AKAP19: variants seen among roughly 807,000 people sequenced by gnomAD.
AKAP19 encodes A-kinase anchoring protein 19, also known as small A-kinase anchoring protein.
At chr2:189,924,951 A>G in the AKAP19 span, among the ~76,000 whole-genome samples, 1 of 152,172 alleles carries the variant, frequency 6.6e-6, no homozygotes, top group Non-Finnish European at 1.5e-5. Flanking sequence ...GCTGTTAACC[A>G]TGAGCTCAAT....
chr2:189,931,917 C>T, the AKAP19 span, among the ~76,000 whole-genome samples: 10 of 151,994 alleles, frequency 6.6e-5, no homozygotes, highest in African/African-American at 9.7e-5. Context: ...AGCCCCAGCC[C>T]GATACAATAT....
chr2:189,981,007 A>G, the AKAP19 span, among the ~76,000 whole-genome samples: 1 of 152,180 alleles, frequency 6.6e-6, no homozygotes, highest in African/African-American at 2.4e-5. Flanking sequence ...TGGTTTTGGA[A>G]TAGAGTATTC....
chr2:189,937,929 A>G, the AKAP19 span, among the ~76,000 whole-genome samples: 1 of 152,314 alleles, frequency 6.6e-6, no homozygotes, highest in African/African-American at 2.4e-5. Flanking sequence ...AAAGAAAGGA[A>G]ATTGGCATAC....
the AKAP19 span, among the ~76,000 whole-genome samples, chr2:190,124,303 A>G: frequency 6.6e-6 from 1 of 152,220 alleles, no homozygotes; most frequent in East Asian, 1.9e-4. Flanking sequence ...GAGAGATTAT[A>G]CTTACACAAA....
the AKAP19 span, among the ~76,000 whole-genome samples, chr2:190,170,009 C>T: frequency 3.9e-5 from 6 of 152,294 alleles, no homozygotes; most frequent in Non-Finnish European, 5.9e-5. Context: ...TACTTCTGCA[C>T]GAACCTAATG....
At chr2:190,159,191 C>A in the AKAP19 span, among the ~76,000 whole-genome samples, 2 of 152,070 alleles carry the variant, frequency 1.3e-5, no homozygotes. Context: ...CAACTAGGTA[C>A]AAATTATATT....
At chr2:189,908,729 A>G in the AKAP19 span, among the ~76,000 whole-genome samples, 1 of 152,076 alleles carries the variant, frequency 6.6e-6, no homozygotes, top group Non-Finnish European at 1.5e-5. Context: ...ATTTGATATG[A>G]TTTTCAATTT....
chr2:190,076,066 A>G, the AKAP19 span, among the ~76,000 whole-genome samples: 2 of 152,048 alleles, frequency 1.3e-5, no homozygotes, highest in African/African-American at 2.4e-5. Flanking sequence ...ACCTTTACCT[A>G]TGTTATAAAT....
chr2:190,053,690 A>T, the AKAP19 span, among the ~76,000 whole-genome samples: 123 of 152,264 alleles, frequency 8.1e-4, no homozygotes, highest in Non-Finnish European at 1.4e-3. Flanking sequence ...TAGTTATATT[A>T]TTGGTAGTAC....
chr2:190,047,162 C>T, the AKAP19 span, among the ~76,000 whole-genome samples: 1 of 152,160 alleles, frequency 6.6e-6, no homozygotes, highest in Admixed American at 6.5e-5. Context: ...CATTCCTTCT[C>T]ACTCACTGCC....
the AKAP19 span, among the ~76,000 whole-genome samples, chr2:189,995,493 G>A: frequency 1.3e-5 from 2 of 152,132 alleles, no homozygotes; most frequent in East Asian, 1.9e-4. Context: ...TTTACCTTAA[G>A]TTTACATGAG....
At chr2:189,992,532 A>G in the AKAP19 span, among the ~76,000 whole-genome samples, 2 of 20,784 alleles carry the variant, frequency 9.6e-5, no homozygotes, top group Admixed American at 1.7e-3. Context: ...TATAAATTTT[A>G]GGATTTTTTT....
chr2:190,181,170 T>C, the AKAP19 span: 1 of 984,792 alleles, frequency 1.0e-6, no homozygotes, highest in Non-Finnish European at 1.2e-6. Context: ...GGTCTTTGCT[T>C]GTCAGCTGTG....
the AKAP19 span, among the ~76,000 whole-genome samples, chr2:189,919,075 C>G: frequency 6.6e-6 from 1 of 152,162 alleles, no homozygotes; most frequent in African/African-American, 2.4e-5. Flanking sequence ...GTGATAAAAT[C>G]TCGAAAGACT....
chr2:189,910,758 G>A, the AKAP19 span, among the ~76,000 whole-genome samples: 139,217 of 151,956 alleles, frequency 0.92, 64,169 homozygotes, highest in East Asian at 0.98. Flanking sequence ...CAACGACACA[G>A]CTCTTAGGAT....
At chr2:190,104,137 C>T in the AKAP19 span, among the ~76,000 whole-genome samples, 59,168 of 152,040 alleles carry the variant, frequency 0.39, 13,539 homozygotes, top group South Asian at 0.67. Flanking sequence ...TAGCCATATG[C>T]GGAGGAATGA....
chr2:189,951,408 G>T, the AKAP19 span, among the ~76,000 whole-genome samples: 1 of 151,932 alleles, frequency 6.6e-6, no homozygotes. Context: ...CACCATGTTG[G>T]CCAGGGCTGG....
At chr2:189,964,260 C>T in the AKAP19 span, among the ~76,000 whole-genome samples, 1 of 152,130 alleles carries the variant, frequency 6.6e-6, no homozygotes, top group African/African-American at 2.4e-5. Context: ...TAATAGGTCT[C>T]AACAGTGGGC....
the AKAP19 span, among the ~76,000 whole-genome samples, chr2:190,008,752 ACACACACACACACACACACC>A: frequency 6.5e-5 from 7 of 108,004 alleles, no homozygotes; most frequent in South Asian, 1.4e-3. Flanking sequence ...ACACACACAC[ACACACACACACACACACACC>A]CACCTGGTCT....
Sources: gnomAD v4.1 joint callset for allele counts (sites outside exome capture counted in the v4.1 genomes callset) on GRCh38, gnomAD v4.1.1 for gene constraint, MANE v1.5 for transcripts, NCBI Gene and HGNC (gene_info 2026-07-23, HGNC 2026-07-21) for gene names.